PPP1R9A: variants seen among roughly 807,000 people sequenced by gnomAD.
PPP1R9A encodes neurabin-1.
PPP1R9A carries 59 observed loss-of-function variants against 141.9 expected under a neutral mutation model. The ratio of observed to expected loss-of-function variants is 0.42; its 90% CI spans 0.34 to 0.52. PPP1R9A has a LOEUF of 0.52. Among genes scored for constraint, PPP1R9A ranks in the 20% least tolerant of loss-of-function variants. PPP1R9A has a pLI of 0.10. For synonymous variants in PPP1R9A, 500 were observed against 569.7 expected (o/e 0.88, Z 1.74); for missense variants, 1,444 against 1,611.9 (o/e 0.90, Z 1.78).
At chr7:95,153,471 C>T (rs1829078817) in intron 4 of PPP1R9A, among the ~76,000 whole-genome samples, 1 of 152,138 alleles carries the variant, frequency 6.6e-6, no homozygotes, top group African/African-American at 2.4e-5. Flanking sequence ...ACACTATTAT[C>T]AGAATTTTAA....
intron 7 of PPP1R9A, among the ~76,000 whole-genome samples, chr7:95,210,110 A>G (rs1007511819): frequency 2.0e-5 from 3 of 152,190 alleles, no homozygotes; most frequent in Non-Finnish European, 4.4e-5. Context: ...CTCATATAGA[A>G]TATATTTATC....
At chr7:94,956,462 G>A (rs867118425) in intron 2 of PPP1R9A, among the ~76,000 whole-genome samples, 1 of 152,016 alleles carries the variant, frequency 6.6e-6, no homozygotes. Context: ...CTACAGTACT[G>A]AAATACTACC....
At chr7:95,241,373 A>G (rs752700312) in intron 8 of PPP1R9A, among the ~76,000 whole-genome samples, 4 of 152,138 alleles carry the variant, frequency 2.6e-5, no homozygotes, top group Non-Finnish European at 5.9e-5. Flanking sequence ...TTGGGACAGA[A>G]TGGATCTCAA....
At chr7:95,205,653 A>G (rs1384529412) in intron 7 of PPP1R9A, among the ~76,000 whole-genome samples, 1 of 152,152 alleles carries the variant, frequency 6.6e-6, no homozygotes, top group African/African-American at 2.4e-5. Flanking sequence ...TATGGTGTCT[A>G]GTACACTGAC....
chr7:95,150,713 G>A (rs1418541132), intron 4 of PPP1R9A, among the ~76,000 whole-genome samples: 7 of 151,998 alleles, frequency 4.6e-5, no homozygotes, highest in Non-Finnish European at 8.8e-5. Context: ...TAGTGTTAAC[G>A]GAATGAGAAG....
At chr7:95,111,129 A>C in intron 2 of PPP1R9A, 130 bp from the exon 3 acceptor site, 1 of 1,045,808 alleles carries the variant, frequency 9.6e-7, no homozygotes, top group Non-Finnish European at 1.3e-6. Flanking sequence ...TAACATCTCA[A>C]TTGATTTTAA....
chr7:95,205,042 T>A (rs1790492850), intron 7 of PPP1R9A, among the ~76,000 whole-genome samples: 1 of 151,832 alleles, frequency 6.6e-6, no homozygotes. Flanking sequence ...CTCACTCTGA[T>A]CCCACGGGGT....
intron 2 of PPP1R9A, among the ~76,000 whole-genome samples, chr7:95,027,222 G>A (rs908491697): frequency 6.6e-6 from 1 of 152,162 alleles, no homozygotes; most frequent in African/African-American, 2.4e-5. Flanking sequence ...CATAGGCACT[G>A]GAGGGAATCT....
At chr7:95,226,242 T>G in intron 8 of PPP1R9A, 126 bp downstream of exon 8, 1 of 919,146 alleles carries the variant, frequency 1.1e-6, no homozygotes, top group Non-Finnish European at 1.5e-6. Flanking sequence ...CAGGTTGTCT[T>G]GAGTCTCATT....
At chr7:95,023,864 T>C (rs1806393169) in intron 2 of PPP1R9A, among the ~76,000 whole-genome samples, 1 of 152,196 alleles carries the variant, frequency 6.6e-6, no homozygotes, top group Non-Finnish European at 1.5e-5. Flanking sequence ...CTCTAGTTCT[T>C]TTAATTGTGA....
chr7:95,149,518 T>C (rs1432288889), intron 4 of PPP1R9A, among the ~76,000 whole-genome samples: 1 of 152,060 alleles, frequency 6.6e-6, no homozygotes, highest in East Asian at 1.9e-4. Context: ...TAAGCAATTA[T>C]AGCAAGGTTT....
chr7:95,274,528 T>C (rs1289133527), intron 16 of PPP1R9A, among the ~76,000 whole-genome samples: 1 of 152,244 alleles, frequency 6.6e-6, no homozygotes, highest in Non-Finnish European at 1.5e-5. Flanking sequence ...GTGCATTGTA[T>C]TAAGTCTAAA....
At chr7:95,113,530 A>T (rs950717473) in intron 3 of PPP1R9A, among the ~76,000 whole-genome samples, 3 of 152,242 alleles carry the variant, frequency 2.0e-5, no homozygotes, top group African/African-American at 7.2e-5. Flanking sequence ...AGGCCAAAAA[A>T]TACCCAACCA....
rs753582880 is a variant in PPP1R9A at position 95,284,127 on chromosome 7, G to A, written c.3406G>A (p.Gly1136Arg). The change falls in exon 17 of 20, where the codon GGA becomes AGA. Residue 1136 changes from glycine to arginine, a missense_variant. This residue lies in a region of PPP1R9A where 459 missense variants were observed against 513.8 expected (regional missense o/e 0.89). Coordinates refer to ENST00000433360, the MANE Select transcript of PPP1R9A (RefSeq NM_001166160.2). ...CTCATGGTTTAATGACAGCCGGAAA[G>A]GATCCTATTCCTTCAGGAACCTGCC... is the stretch of plus-strand genomic sequence containing the variant. ...PFSWFNDSRK[G>R]SYSFRNLPAP... 4.4e-6 allele frequency: 7 copies of A among 1,590,758 alleles called. No individual in the cohort carries two copies. Among genetic ancestry groups the A allele is most frequent in the South Asian group, 1.1e-5 (1 of 90,902 alleles).
At chr7:94,917,445 C>A (rs1020009578) in intron 2 of PPP1R9A, among the ~76,000 whole-genome samples, 3 of 152,096 alleles carry the variant, frequency 2.0e-5, no homozygotes, top group Admixed American at 1.3e-4. Context: ...CTTGCTCTGT[C>A]ACCCTGGCTG....
chr7:95,202,891 G>T (rs569629800), intron 6 of PPP1R9A, among the ~76,000 whole-genome samples: 25 of 152,094 alleles, frequency 1.6e-4, no homozygotes, highest in African/African-American at 6.0e-4. Flanking sequence ...TATGGTCATT[G>T]AAATTAAAAT....
intron 5 of PPP1R9A, among the ~76,000 whole-genome samples, chr7:95,187,950 A>G (rs1183494323): frequency 2.6e-5 from 4 of 152,060 alleles, no homozygotes; most frequent in Non-Finnish European, 4.4e-5. Context: ...AGAATTTTCC[A>G]TGTGCTGATG....
At chr7:95,222,194 A>G (rs979876628) in intron 7 of PPP1R9A, among the ~76,000 whole-genome samples, 20 of 152,058 alleles carry the variant, frequency 1.3e-4, no homozygotes, top group African/African-American at 4.1e-4. Context: ...GTGAATTTCA[A>G]TACAACAGGA....
intron 2 of PPP1R9A, among the ~76,000 whole-genome samples, chr7:95,089,475 G>A (rs1046220635): frequency 2.0e-5 from 3 of 151,976 alleles, no homozygotes; most frequent in African/African-American, 7.3e-5. Flanking sequence ...TTCTTTCCTT[G>A]AATCTAAAAT....
Sources: gnomAD v4.1 joint callset for allele counts (sites outside exome capture counted in the v4.1 genomes callset) on GRCh38, gnomAD v4.1.1 for gene constraint, gnomAD v4.1.1 regional missense constraint, MANE v1.5 for transcripts, NCBI Gene and HGNC (gene_info 2026-07-23, HGNC 2026-07-21) for gene names.